The following NLK variants were observed in gnomAD, a reference collection of about 807,000 sequenced individuals.
NLK encodes serine/threonine-protein kinase NLK.
NLK carries 11 observed loss-of-function variants against 59.0 expected under a neutral mutation model. The observed-to-expected ratio is 0.19, with a 90% CI of 0.12 to 0.31. The LOEUF (loss-of-function observed/expected upper bound fraction) is 0.31. NLK is among the 10% of genes least tolerant of loss of function. NLK has a pLI of 1.00. For missense variants in NLK, 410 were observed against 661.1 expected, an observed-to-expected ratio of 0.62 and a Z score of 4.16; for synonymous variants, 235 against 235.9, an observed-to-expected ratio of 1.00 and a Z score of 0.03.
At chr17:28,084,253 T>A (rs1435670991) in intron 1 of NLK, among the ~76,000 whole-genome samples, 1 of 152,192 alleles carries the variant, frequency 6.6e-6, no homozygotes, top group African/African-American at 2.4e-5. Context: ...ATTGTAAAGA[T>A]TAAATGAGAT....
the NLK span, among the ~76,000 whole-genome samples, chr17:28,202,687 C>CTTTTTTTTTTTTTTTT: frequency 7.5e-6 from 1 of 133,430 alleles, no homozygotes; most frequent in Non-Finnish European, 1.6e-5. Context: ...TCTTTTTTTT[C>CTTTTTTTTTTTTTTTT]TTTTTTTTTT....
chr17:28,155,201 T>G (rs1907652496), intron 3 of NLK, among the ~76,000 whole-genome samples: 1 of 152,206 alleles, frequency 6.6e-6, no homozygotes, highest in African/African-American at 2.4e-5. Context: ...TTGCTTGTTT[T>G]GTTTTTAGAA....
intron 1 of NLK, among the ~76,000 whole-genome samples, chr17:28,057,509 A>G (rs947823397): frequency 6.6e-6 from 1 of 152,250 alleles, no homozygotes; most frequent in Non-Finnish European, 1.5e-5. Context: ...AACATGTACC[A>G]GTCAAAACTG....
chr17:28,100,727 A>G (rs1025571795), intron 1 of NLK, among the ~76,000 whole-genome samples: 4 of 152,026 alleles, frequency 2.6e-5, no homozygotes, highest in Non-Finnish European at 4.4e-5. Flanking sequence ...CATTTCATCT[A>G]TTTTTTTACT....
chr17:28,134,675 G>A (rs994719707), intron 3 of NLK, among the ~76,000 whole-genome samples: 1 of 152,198 alleles, frequency 6.6e-6, no homozygotes, highest in Non-Finnish European at 1.5e-5. Context: ...CCTTTATGGA[G>A]TTAATCCTTT....
At chr17:28,140,767 G>GC (rs1906956556) in intron 3 of NLK, among the ~76,000 whole-genome samples, 1 of 151,056 alleles carries the variant, frequency 6.6e-6, no homozygotes, top group Non-Finnish European at 1.5e-5. Context: ...AAAAAAACCT[G>GC]CCCTGGACTC....
At chr17:28,066,322 G>C (rs2142752131) in intron 1 of NLK, among the ~76,000 whole-genome samples, 1 of 152,242 alleles carries the variant, frequency 6.6e-6, no homozygotes, top group Middle Eastern at 3.4e-3. Context: ...ACAGTCCACT[G>C]TGCAGTCATT....
intron 1 of NLK, among the ~76,000 whole-genome samples, chr17:28,060,565 C>G (rs559500024): frequency 6.6e-6 from 1 of 152,094 alleles, no homozygotes; most frequent in South Asian, 2.1e-4. Flanking sequence ...AGCCACCACA[C>G]CCAGCCTAAA....
intron 1 of NLK, among the ~76,000 whole-genome samples, chr17:28,077,449 G>C (rs1910210775): frequency 1.3e-5 from 2 of 151,988 alleles, no homozygotes; most frequent in African/African-American, 4.8e-5. Context: ...CTCCCACCGG[G>C]TCCCTCCCAC....
intron 2 of NLK, among the ~76,000 whole-genome samples, chr17:28,125,482 A>G (rs1226688438): frequency 6.6e-6 from 1 of 152,226 alleles, no homozygotes; most frequent in African/African-American, 2.4e-5. Flanking sequence ...TTTTTAATGC[A>G]TATAAACCTG....
intron 2 of NLK, among the ~76,000 whole-genome samples, chr17:28,123,455 T>A (rs1352988116): frequency 6.6e-6 from 1 of 152,166 alleles, no homozygotes; most frequent in Non-Finnish European, 1.5e-5. Context: ...ATTCTAAGAT[T>A]GATTGATTGA....
intron 1 of NLK, among the ~76,000 whole-genome samples, chr17:28,071,929 C>G (rs1910018762): frequency 6.6e-6 from 1 of 152,236 alleles, no homozygotes; most frequent in Admixed American, 6.5e-5. Flanking sequence ...TGTTTTCTCT[C>G]TTAGCAAGGG....
Position 28,067,534 on chromosome 17 carries a change from TA to T in NLK, c.458+24216del, listed in dbSNP as rs74267060. Among the ~76,000 whole-genome samples, 711 of 132,448 alleles carry T rather than the reference TA, an allele frequency of 5.4e-3. 2 individuals carry two copies. Among genetic ancestry groups the T allele is most frequent in the East Asian group, 0.011 (52 of 4,746 alleles). The allele number at this position is 132,448 out of a possible 152,430, so 86.9% of individuals were successfully genotyped here. A position where few individuals can be genotyped will look rare whatever the true frequency, so the allele number is the denominator to read the frequency against. On this transcript the variant is annotated intron_variant, in intron 1 of 10. Transcript: ENST00000407008. ...TAAATACATGGCACAGAGAATTGTTTAAAAAAAAAAAAAGGCTGACAATTAA... is the reference window on the plus strand; with the variant it reads ...TAAATACATGGCACAGAGAATTGTTTAAAAAAAAAAAAGGCTGACAATTAA...
chr17:28,175,743 T>C (rs1908652926), intron 7 of NLK, among the ~76,000 whole-genome samples: 1 of 152,182 alleles, frequency 6.6e-6, no homozygotes. Context: ...ATACTAAACA[T>C]TTAATAAATA....
chr17:28,121,426 A>T (rs946596857), intron 1 of NLK, among the ~76,000 whole-genome samples: 1 of 150,138 alleles, frequency 6.7e-6, no homozygotes, highest in African/African-American at 2.4e-5. Flanking sequence ...ATTCATGGAA[A>T]GTCAGTTTGC....
At chr17:28,058,270 A>T (rs145566818) in intron 1 of NLK, among the ~76,000 whole-genome samples, 15 of 152,346 alleles carry the variant, frequency 9.8e-5, no homozygotes, top group African/African-American at 2.9e-4. Flanking sequence ...GAAAGACATT[A>T]AATAGGGACA....
intron 10 of NLK, among the ~76,000 whole-genome samples, chr17:28,193,233 G>A (rs1309999345): frequency 6.6e-6 from 1 of 152,172 alleles, no homozygotes; most frequent in Non-Finnish European, 1.5e-5. Flanking sequence ...GTAGACTGAG[G>A]GAGAGTAAAC....
At chr17:28,043,442 T>C in intron 1 of NLK, 111 bp downstream of exon 1, 1 of 968,294 alleles carries the variant, frequency 1.0e-6, no homozygotes, top group Non-Finnish European at 1.5e-6. Context: ...AGCAAGCTTC[T>C]CAACCCAACT....
At chr17:28,084,610 C>T (rs1910451879) in intron 1 of NLK, among the ~76,000 whole-genome samples, 1 of 152,030 alleles carries the variant, frequency 6.6e-6, no homozygotes, top group African/African-American at 2.4e-5. Flanking sequence ...GTCACCCAGG[C>T]TGGAGTGCGG....
Sources: allele counts gnomAD v4.1 joint callset (sites outside exome capture counted in the v4.1 genomes callset), GRCh38; gene constraint gnomAD v4.1.1; transcripts MANE v1.5; gene names NCBI Gene and HGNC (gene_info 2026-07-23, HGNC 2026-07-21).